Variants in COL19A1 observed in about 807,000 individuals in gnomAD.
The protein encoded by COL19A1 is collagen alpha-1(XIX) chain.
A neutral mutation model predicts 190.2 loss-of-function variants in COL19A1; 159 were observed. The ratio of observed to expected loss-of-function variants is 0.84; its 90% CI spans 0.73 to 0.95. The LOEUF is 0.95. Ranked by LOEUF, COL19A1 falls within the 40% of genes least tolerant of loss-of-function variation. The pLI, the probability that COL19A1 is intolerant of heterozygous loss-of-function variation, is 0.00. For synonymous variants in COL19A1, 509 were observed against 458.9 expected, an observed-to-expected ratio of 1.11 and a Z score of -1.39; for missense variants, 1,418 against 1,431.9, an observed-to-expected ratio of 0.99 and a Z score of 0.16.
intron 4 of COL19A1, among the ~76,000 whole-genome samples, chr6:69,904,869 G>T (rs1054731766): frequency 1.3e-5 from 2 of 152,140 alleles, no homozygotes; most frequent in Admixed American, 6.5e-5. Flanking sequence ...CTTGTGCTGG[G>T]ATGTCCCTTA....
intron 44 of COL19A1, among the ~76,000 whole-genome samples, chr6:70,181,790 G>A (rs756820482): frequency 3.3e-5 from 5 of 152,058 alleles, no homozygotes; most frequent in Non-Finnish European, 7.3e-5. Flanking sequence ...TGCATAAAGT[G>A]AGAAGTCAAG....
intron 11 of COL19A1, among the ~76,000 whole-genome samples, chr6:69,979,863 T>C (rs932374447): frequency 6.6e-6 from 1 of 151,410 alleles, no homozygotes; most frequent in Admixed American, 6.6e-5. Context: ...TTTGGAAAAA[T>C]ATGAATAAGA....
intron 14 of COL19A1, among the ~76,000 whole-genome samples, chr6:70,061,143 C>A (rs1329161869): frequency 1.3e-5 from 2 of 152,102 alleles, no homozygotes; most frequent in African/African-American, 2.4e-5. Context: ...ATAAATAATC[C>A]TCCCAGAATT....
chr6:69,929,706 T>C lies in COL19A1; in HGVS notation c.666+6T>C. On this transcript the variant is annotated splice_donor_region_variant and intron_variant, in intron 6 of 50. Transcript: ENST00000620364. ...CAGATGGCAAGCCTGTGGATGTAAG[T>C]TGTGATGTTAGTTGTGAAAGAGAAC... 1.2e-6 allele frequency: 2 copies of C among 1,602,056 alleles called. No individual in the cohort carries two copies. Among genetic ancestry groups the C allele is most frequent in the Non-Finnish European group, 1.7e-6 (2 of 1,174,232 alleles).
At chr6:69,982,488 C>T (rs1159527235) in intron 11 of COL19A1, among the ~76,000 whole-genome samples, 1 of 151,900 alleles carries the variant, frequency 6.6e-6, no homozygotes, top group Non-Finnish European at 1.5e-5. Context: ...ATCCACCTGC[C>T]TCGGCCTCCC....
intron 17 of COL19A1, among the ~76,000 whole-genome samples, chr6:70,126,134 T>G (rs1318573522): frequency 1.3e-5 from 2 of 148,474 alleles, no homozygotes; most frequent in Non-Finnish European, 1.5e-5. Context: ...TTGTATTCAT[T>G]TCTCCAAATT....
chr6:69,904,138 C>A (rs909565740), intron 4 of COL19A1, among the ~76,000 whole-genome samples: 9 of 152,170 alleles, frequency 5.9e-5, no homozygotes, highest in Non-Finnish European at 7.3e-5. Context: ...CTGAGCCCAG[C>A]ACAAGATCCC....
Position 69,929,425 on chromosome 6 carries a change from ATTTCTATAG to A in COL19A1, c.393_401del (p.Ser132_Val134del). ...TTAAAGATACTTTACATTTTTGCAG[ATTTCTATAG>A]TAGTTGATGGTGGAAAGAAGGTGGT... On this transcript the variant is annotated inframe_deletion and splice_region_variant, in exon 6 of 51. Coordinates refer to ENST00000620364, the MANE Select transcript of COL19A1 (RefSeq NM_001858.6). The A allele has an allele frequency of 6.2e-7, 1 of 1,607,250 alleles. No individual in the cohort carries two copies. Among genetic ancestry groups the A allele is most frequent in the Non-Finnish European group, 8.5e-7 (1 of 1,177,058 alleles).
rs34121397 is a variant in COL19A1, at chr6:70,169,074, A to AT, written c.2568+393_2568+394insT. Among the ~76,000 whole-genome samples, 31 of 10,600 alleles carry AT rather than the reference A, an allele frequency of 2.9e-3. 1 individual carries two copies. The African/African-American group carries it at 0.055, about 19-fold the overall frequency. The allele number at this position is 10,600 out of a possible 152,430, so 7.0% of individuals were successfully genotyped here. On this transcript the variant is annotated intron_variant, in intron 40 of 50. Coordinates refer to ENST00000620364, the MANE Select transcript of COL19A1 (RefSeq NM_001858.6). ...TTAATATATCTGCCATCTCCCCAACAAAAAAAAAGGAACTGTTTATTTGCT... is the reference window on the plus strand; with the variant it reads ...TTAATATATCTGCCATCTCCCCAACATAAAAAAAAGGAACTGTTTATTTGCT...
intron 15 of COL19A1, among the ~76,000 whole-genome samples, chr6:70,077,945 C>A (rs755761107): frequency 3.3e-5 from 5 of 152,160 alleles, no homozygotes; most frequent in Non-Finnish European, 7.3e-5. Flanking sequence ...TATTGAAGGC[C>A]GTTGCTTCAC....
intron 17 of COL19A1, among the ~76,000 whole-genome samples, chr6:70,122,843 C>A (rs1326476349): frequency 6.6e-6 from 1 of 152,126 alleles, no homozygotes; most frequent in Non-Finnish European, 1.5e-5. Flanking sequence ...TCTCTCTCTT[C>A]AGAACAAGGT....
chr6:70,210,122 T>C lies in COL19A1; in HGVS notation c.*2848T>C, dbSNP rs576462701. 5 of 152,300 alleles carry C rather than the reference T, an allele frequency of 3.3e-5. No individual in the cohort carries two copies. Among genetic ancestry groups the C allele is most frequent in the South Asian group, 2.1e-4 (1 of 4,820 alleles). The allele number at this position is 152,300 out of a possible 1,614,324, so 9.4% of individuals were successfully genotyped here. On this transcript the variant is annotated 3_prime_UTR_variant, in exon 51 of 51. Coordinates refer to ENST00000620364, the MANE Select transcript of COL19A1 (RefSeq NM_001858.6). ...CTTGTTTGCACTCCAGAAAACAACATACATGTTTAAATACAAAATAATTAT... is the reference window on the plus strand; with the variant it reads ...CTTGTTTGCACTCCAGAAAACAACACACATGTTTAAATACAAAATAATTAT...
intron 34 of COL19A1, 76 bp downstream of exon 34, chr6:70,156,799 T>C (rs1180074336): frequency 8.5e-7 from 1 of 1,174,200 alleles, no homozygotes; most frequent in African/African-American, 1.6e-5. Context: ...AAAATGTTAA[T>C]TTTTCTATAG....
chr6:70,186,694 G>C (rs1380118615), intron 46 of COL19A1, among the ~76,000 whole-genome samples: 2 of 151,944 alleles, frequency 1.3e-5, no homozygotes, highest in African/African-American at 4.8e-5. Flanking sequence ...ATTTATGACT[G>C]AAGCAACTGC....
intron 11 of COL19A1, among the ~76,000 whole-genome samples, chr6:69,970,603 T>C (rs1775374183): frequency 6.6e-6 from 1 of 152,200 alleles, no homozygotes; most frequent in Non-Finnish European, 1.5e-5. Context: ...GCAAGTATGT[T>C]AAATACTGCT....
At chr6:69,951,980 T>C (rs565300249) in intron 9 of COL19A1, among the ~76,000 whole-genome samples, 1 of 151,886 alleles carries the variant, frequency 6.6e-6, no homozygotes, top group African/African-American at 2.4e-5. Flanking sequence ...AGGTCTGAAT[T>C]AGATCTTAAA....
At chr6:70,035,022 C>A (rs941857503) in intron 13 of COL19A1, among the ~76,000 whole-genome samples, 1 of 152,150 alleles carries the variant, frequency 6.6e-6, no homozygotes, top group Non-Finnish European at 1.5e-5. Flanking sequence ...TTCCAAAAAA[C>A]AATGAATACA....
chr6:70,072,977 T>C (rs1251308131), intron 15 of COL19A1, among the ~76,000 whole-genome samples: 1 of 150,474 alleles, frequency 6.6e-6, no homozygotes, highest in Non-Finnish European at 1.5e-5. Context: ...ATTTATTTAT[T>C]TATTTATTTA....
intron 2 of COL19A1, among the ~76,000 whole-genome samples, chr6:69,897,942 T>C (rs1188240167): frequency 6.6e-6 from 1 of 152,176 alleles, no homozygotes; most frequent in African/African-American, 2.4e-5. Flanking sequence ...ATTTATTTTC[T>C]GGTTAAATAT....
Sources: allele counts gnomAD v4.1 joint callset (sites outside exome capture counted in the v4.1 genomes callset), GRCh38; gene constraint gnomAD v4.1.1; transcripts MANE v1.5; gene names NCBI Gene and HGNC (gene_info 2026-07-23, HGNC 2026-07-21).